Variants in CLK1 observed in about 807,000 individuals in gnomAD.
The protein encoded by CLK1 is CDC like kinase 1.
CLK1 carries 40 observed loss-of-function variants against 60.9 expected under a neutral mutation model. That is an observed-to-expected ratio of 0.66 (90% CI 0.51 to 0.86). The LOEUF (loss-of-function observed/expected upper bound fraction) is 0.86. CLK1 is among the 40% of genes least tolerant of loss of function. The pLI is 0.00. For synonymous variants in CLK1, 203 were observed against 184.4 expected (o/e 1.10, Z -0.82); for missense variants, 563 against 606.1 (o/e 0.93, Z 0.75).
At chr2:200,855,391 G>A (rs2039021724) in intron 9 of CLK1, among the ~76,000 whole-genome samples, 1 of 152,100 alleles carries the variant, frequency 6.6e-6, no homozygotes, top group Non-Finnish European at 1.5e-5. Flanking sequence ...GGGAGGCTGA[G>A]GCAGGTGGAA....
At position 200,853,326 on chromosome 2, in the gene CLK1, G is replaced by A. The variant is rs747546702; in HGVS notation, c.1435C>T (p.Leu479Phe). The A allele has an allele frequency of 5.6e-6, 9 of 1,610,668 alleles. No homozygotes were observed. Among genetic ancestry groups the A allele is most frequent in the Non-Finnish European group, 7.6e-6 (9 of 1,178,516 alleles). ...CAGATCTATATACTTTTCTTCAGAAGGTCAAAGAAAGGATGCTTTAAGGCT... is the reference window on the plus strand; with the variant it reads ...CAGATCTATATACTTTTCTTCAGAAAGTCAAAGAAAGGATGCTTTAAGGCT... ...REALKHPFFDLLKKSI is the reference protein window; with the variant it reads ...REALKHPFFDFLKKSI The change falls in exon 13 of 13, where the codon CTT becomes TTT. Residue 479 changes from leucine to phenylalanine, a missense_variant. By Grantham distance (22) the Leu-to-Phe change is conservative. This residue lies in a region of CLK1 where 360 missense variants were observed against 407.0 expected (regional missense o/e 0.88). Transcript: ENST00000321356.
rs190163896 is a variant in CLK1 at position 200,854,837 on chromosome 2, A to G, written c.1141-142T>C. On this transcript the variant is annotated intron_variant, in intron 10 of 12. Coordinates refer to ENST00000321356, the MANE Select transcript of CLK1 (RefSeq NM_004071.4). ...TACATGGACACGGATAATTGCTTAT[A>G]TACTGAAAGATGTTTTAAATAAAAC... 6.5e-6 allele frequency: 5 copies of G among 767,434 alleles called. No individual in the cohort carries two copies. The Admixed American group carries it at 7.7e-5, about 12-fold the overall frequency. The allele number at this position is 767,434 out of a possible 1,614,324, so 47.5% of individuals were successfully genotyped here.
At chr2:200,863,186 T>C (rs1313618296) in intron 1 of CLK1, 1 of 152,164 alleles carries the variant, frequency 6.6e-6, no homozygotes, top group Non-Finnish European at 1.5e-5. Flanking sequence ...AGGGGTTGTA[T>C]ACTAATTTTC....
chr2:200,863,744 T>C (rs2039182357), intron 1 of CLK1, among the ~76,000 whole-genome samples: 1 of 151,680 alleles, frequency 6.6e-6, no homozygotes, highest in Non-Finnish European at 1.5e-5. Flanking sequence ...ATCCCAGCTA[T>C]CCCGGAGGCT....
chr2:200,857,246 C>A, intron 7 of CLK1: 1 of 448,208 alleles, frequency 2.2e-6, no homozygotes, highest in South Asian at 2.7e-5. Flanking sequence ...GCAGAGTTTG[C>A]AGTGAGTGAA....
chr2:200,860,839 AAAG>A (rs2039125672), intron 3 of CLK1: 2 of 1,045,844 alleles, frequency 1.9e-6, no homozygotes, highest in Non-Finnish European at 1.2e-6. Context: ...TTGTTAGAAC[AAAG>A]AAGCATACCT....
chr2:200,854,576 T>G (rs1158571183), intron 11 of CLK1, 40 bp downstream of exon 11: 2 of 1,205,146 alleles, frequency 1.7e-6, no homozygotes, highest in East Asian at 4.7e-5. Context: ...GCAGATGTGA[T>G]CAAATGATAC....
rs763509913 is a variant in CLK1 at position 200,861,480 on chromosome 2, AATT to A, written c.162-17_162-15del. The A allele has an allele frequency of 3.2e-5, 51 of 1,609,814 alleles. No individual in the cohort carries two copies. The highest frequency in any genetic ancestry group is 4.3e-5 in the Non-Finnish European group (51 of 1,178,398). ...TCCAAATAATGGCTAGAGAAATAAA[AATT>A]ATTTTCAATGTTTTATGCTAAGACC... On this transcript the variant is annotated splice_polypyrimidine_tract_variant and intron_variant, in intron 2 of 12. Transcript: ENST00000321356.
Position 200,864,268 on chromosome 2 carries a change from C to T in CLK1, c.-1+296G>A, listed in dbSNP as rs535316475. 1.1e-5 allele frequency: 16 copies of T among 1,501,220 alleles called. 1 individual carries two copies. In the East Asian group the frequency reaches 2.8e-4, roughly 26 times the overall value. 93.0% of individuals were successfully genotyped at this position (1,501,220 alleles called of 1,614,324 possible). On this transcript the variant is annotated intron_variant, in intron 1 of 12. Transcript: ENST00000321356. ...GGCGGTTCACAACATGGCGCCCGCC[C>T]GACCGTCCCGCGTCAGGCGGCGCCG...
Position 200,861,454 on chromosome 2 carries a change from T to G in CLK1, c.174A>C (p.Glu58Asp), listed in dbSNP as rs751912755. 4 of 1,612,500 alleles carry G rather than the reference T, an allele frequency of 2.5e-6. No homozygotes were observed. The Admixed American group carries it at 5.0e-5, about 20-fold the overall frequency. Residue 58 changes from glutamate to aspartate, a missense_variant, in exon 3 of 13, where the codon GAA (glutamate) becomes GAC (aspartate). Coordinates refer to ENST00000321356, the MANE Select transcript of CLK1 (RefSeq NM_004071.4). The part of the protein sequence containing the change: ...HSKMCDSHYL[E>D]SRSINEKDYH... ...AATCTTTCTCATTTATAGACCTGCT[T>G]TCCAAATAATGGCTAGAGAAATAAA...
At position 200,857,005 on chromosome 2, in the gene CLK1, T is replaced by C; in HGVS notation, c.833-20A>G. The C allele has an allele frequency of 6.2e-7, 1 of 1,601,250 alleles. No individual in the cohort carries two copies. Among genetic ancestry groups the C allele is most frequent in the Non-Finnish European group, 8.5e-7 (1 of 1,170,072 alleles). Reference sequence around the variant, plus strand: ...GCAAAACTGAGAATAAAGAGAAAGTTGCTGTAATCAGAAAACACCAAACCA... The same window carrying C: ...GCAAAACTGAGAATAAAGAGAAAGTCGCTGTAATCAGAAAACACCAAACCA... On this transcript the variant is annotated intron_variant, in intron 7 of 12. Transcript: ENST00000321356.
chr2:200,860,314 T>G, intron 3 of CLK1, 99 bp from the exon 4 acceptor site: 1 of 1,574,966 alleles, frequency 6.3e-7, no homozygotes, highest in Non-Finnish European at 8.6e-7. Context: ...GGGGAGATAT[T>G]CAGGCATTCA....
At chr2:200,860,826 G>C in intron 3 of CLK1, 1 of 1,036,880 alleles carries the variant, frequency 9.6e-7, no homozygotes, top group Non-Finnish European at 1.2e-6. Flanking sequence ...TAGAAAACAT[G>C]ACTTGTTAGA....
intron 3 of CLK1, 108 bp downstream of exon 3, chr2:200,861,130 G>T: frequency 6.6e-7 from 1 of 1,513,138 alleles, no homozygotes; most frequent in African/African-American, 1.4e-5. Flanking sequence ...GGTTAAAACT[G>T]AGATGATTTC....
chr2:200,860,494 T>TAA (rs567191952), intron 3 of CLK1: 47 of 908,568 alleles, frequency 5.2e-5, no homozygotes, highest in East Asian at 3.5e-4. Context: ...TTGTTTTTCT[T>TAA]AAAAAAAAAA....
In CLK1 at chr2:200,854,989, AT is replaced by A; in HGVS notation, c.1140+14del. The A allele has an allele frequency of 6.3e-7, 1 of 1,593,018 alleles. No homozygotes were observed. The highest frequency in any genetic ancestry group is 1.1e-5 in the South Asian group (1 of 87,570). ...CTTGTGCAAAGCAAGGTTGAAATAG[AT>A]CATTGTCACTTACTGGAAATACGGT... On this transcript the variant is annotated intron_variant, in intron 10 of 12. Transcript: ENST00000321356.
chr2:200,858,203 G>C (rs2039075307), intron 5 of CLK1, 114 bp from the exon 6 acceptor site: 1 of 781,532 alleles, frequency 1.3e-6, no homozygotes, highest in Non-Finnish European at 2.2e-6. Context: ...TTAATTTATG[G>C]TTTAGTGTTC....
intron 4 of CLK1, 128 bp downstream of exon 4, chr2:200,859,997 A>G: frequency 6.9e-7 from 1 of 1,456,544 alleles, no homozygotes; most frequent in African/African-American, 1.4e-5. Context: ...CCCCCACCAA[A>G]AGAAATGGAA....
intron 5 of CLK1, among the ~76,000 whole-genome samples, chr2:200,858,868 T>C (rs2039088763): frequency 7.0e-6 from 1 of 143,186 alleles, no homozygotes. Context: ...CGGAAAAAAT[T>C]CTATACTATC....
Sources: allele counts gnomAD v4.1 joint callset (sites outside exome capture counted in the v4.1 genomes callset), GRCh38; gene constraint gnomAD v4.1.1; regional missense constraint gnomAD v4.1.1; transcripts MANE v1.5; gene names NCBI Gene and HGNC (gene_info 2026-07-23, HGNC 2026-07-21).